The following PCDHGB1 variants were observed in gnomAD, a reference collection of about 807,000 sequenced individuals.
PCDHGB1 encodes the protein protocadherin gamma subfamily B, 1, also known as protocadherin gamma-B1.
In PCDHGB1, 34 loss-of-function variants were observed where a neutral mutation model predicts 56.6. The observed-to-expected ratio is 0.60, with a 90% CI of 0.46 to 0.80. PCDHGB1 has a LOEUF of 0.80. Among genes scored for constraint, PCDHGB1 ranks in the 30% least tolerant of loss-of-function variants. PCDHGB1 has a pLI of 0.00. For synonymous variants in PCDHGB1, 561 were observed against 505.9 expected (o/e 1.11, Z -1.46); for missense variants, 1,278 against 1,204.6 (o/e 1.06, Z -0.90).
At chr5:141,408,765 G>A (rs1276364659) in intron 1 of PCDHGB1, 1 of 1,611,036 alleles carries the variant, frequency 6.2e-7, no homozygotes, top group East Asian at 2.2e-5. Context: ...AATTCCGATG[G>A]TGGCAAATAC....
At chr5:141,357,224 T>G in intron 1 of PCDHGB1, 1 of 1,613,828 alleles carries the variant, frequency 6.2e-7, no homozygotes, top group Non-Finnish European at 8.5e-7. Context: ...CTGGCTGACT[T>G]GGGCAGCCTC....
chr5:141,433,812 G>A (rs535623556), intron 1 of PCDHGB1, among the ~76,000 whole-genome samples: 46 of 150,530 alleles, frequency 3.1e-4, no homozygotes, highest in African/African-American at 1.1e-3. Context: ...ACTCCAGCCT[G>A]GGCAACAAGA....
chr5:141,489,211 A>G lies in PCDHGB1; in HGVS notation c.2410-5596A>G, dbSNP rs1206929838. On this transcript the variant is annotated intron_variant, in intron 1 of 3. Coordinates refer to ENST00000523390, the MANE Select transcript of PCDHGB1 (RefSeq NM_018922.3). This position sits in a 1 kb window ranked among gnomAD's most constrained non-coding sequence, Gnocchi z 4.5. The stretch of plus-strand genomic sequence containing the variant: ...CTACCTTGGAGACAGGACAGCACAG[A>G]CTTACTCTCCACAAAGGGACTTCTG... 2 of 1,462,498 alleles carry G rather than the reference A, an allele frequency of 1.4e-6. No individual in the cohort carries two copies. Among genetic ancestry groups the G allele is most frequent in the Non-Finnish European group, 1.8e-6 (2 of 1,081,560 alleles). The allele number at this position is 1,462,498 out of a possible 1,614,324, so 90.6% of individuals were successfully genotyped here. A position where few individuals can be genotyped will look rare whatever the true frequency, so the allele number is the denominator to read the frequency against.
intron 1 of PCDHGB1, chr5:141,377,896 G>A (rs1774450136): frequency 6.6e-6 from 1 of 152,142 alleles, no homozygotes; most frequent in African/African-American, 2.4e-5. Context: ...ATCCCCCTCT[G>A]TTGCCCAGTC....
At chr5:141,415,647 A>C in intron 1 of PCDHGB1, 2 of 1,599,602 alleles carry the variant, frequency 1.3e-6, no homozygotes, top group Non-Finnish European at 1.7e-6. Context: ...TTGTTAAAAA[A>C]AAAAAGATTG....
chr5:141,385,052 G>A (rs559398944), intron 1 of PCDHGB1: 3 of 1,614,152 alleles, frequency 1.9e-6, no homozygotes, highest in Non-Finnish European at 8.5e-7. Context: ...AGGCTGCGGC[G>A]CTGGCACAAG....
chr5:141,505,513 G>A lies in PCDHGB1; in HGVS notation c.2557+32G>A, dbSNP rs1157816684. ...GGTGTCAGTGTGTGTATGGAAGAGT[G>A]GGAGACCTGGGGTTCTGGGGTGCAT... On this transcript the variant is annotated intron_variant, in intron 3 of 3. Coordinates refer to ENST00000523390, the MANE Select transcript of PCDHGB1 (RefSeq NM_018922.3). The A allele has an allele frequency of 3.1e-6, 5 of 1,613,710 alleles. No homozygotes were observed. In the South Asian group the frequency reaches 3.3e-5, roughly 11 times the overall value.
chr5:141,355,538 C>T lies in PCDHGB1; in HGVS notation c.2409+2869C>T, dbSNP rs757292300. On this transcript the variant is annotated intron_variant, in intron 1 of 3. Coordinates refer to ENST00000523390, the MANE Select transcript of PCDHGB1 (RefSeq NM_018922.3). ...AACCTGGAGATTCTTCTAGAAGATA[C>T]AGTGAAGATTTTGCGGGTAGAGGTG... The T allele has an allele frequency of 6.2e-6, 10 of 1,614,004 alleles. No individual in the cohort carries two copies. The South Asian group carries it at 7.7e-5, about 12-fold the overall frequency.
At chr5:141,460,438 T>A (rs1035541143) in intron 1 of PCDHGB1, among the ~76,000 whole-genome samples, 16 of 152,172 alleles carry the variant, frequency 1.1e-4, no homozygotes, top group African/African-American at 3.1e-4. Flanking sequence ...TGGTGTGAGG[T>A]AACAATGAAG....
At chr5:141,408,375 T>A in intron 1 of PCDHGB1, 1 of 1,613,972 alleles carries the variant, frequency 6.2e-7, no homozygotes, top group Non-Finnish European at 8.5e-7. Context: ...GGGCTCAGTG[T>A]CCTGGATGTG....
intron 1 of PCDHGB1, chr5:141,383,195 G>T: frequency 1.2e-6 from 2 of 1,614,044 alleles, no homozygotes; most frequent in Non-Finnish European, 1.7e-6. Flanking sequence ...TGCGCTCAGA[G>T]TGCGCGGTGT....
chr5:141,409,130 G>T (rs1265386524), intron 1 of PCDHGB1: 1 of 1,613,994 alleles, frequency 6.2e-7, no homozygotes, highest in Admixed American at 1.7e-5. Context: ...ATTTGATTTT[G>T]AAGATGTAGA....
intron 1 of PCDHGB1, chr5:141,357,759 T>G: frequency 9.6e-7 from 1 of 1,044,694 alleles, no homozygotes; most frequent in Non-Finnish European, 1.4e-6. Flanking sequence ...AACTGGTGGA[T>G]GACCTTCCAA....
At position 141,351,932 on chromosome 5, in the gene PCDHGB1, G is replaced by A; in HGVS notation, c.1672G>A (p.Val558Met). 2.5e-6 allele frequency: 4 copies of A among 1,613,278 alleles called. No homozygotes were observed. Among genetic ancestry groups the A allele is most frequent in the Non-Finnish European group, 3.4e-6 (4 of 1,179,756 alleles). Residue 558 changes from valine to methionine, a missense_variant, in exon 1 of 4, where the codon GTG (valine) becomes ATG (methionine). Val to Met is a conservative substitution (Grantham distance 21, BLOSUM62 1). Transcript: ENST00000523390. ...VGDLNDNAPRVLYPALGPDGS... is the reference protein window; with the variant it reads ...VGDLNDNAPRMLYPALGPDGS... Reference sequence around the variant, plus strand: ...CGACCTCAATGACAATGCGCCACGGGTGCTGTACCCCGCGCTGGGGCCTGA... The same window carrying A: ...CGACCTCAATGACAATGCGCCACGGATGCTGTACCCCGCGCTGGGGCCTGA...
At chr5:141,433,097 G>A (rs777101945) in intron 1 of PCDHGB1, 11 of 1,614,044 alleles carry the variant, frequency 6.8e-6, no homozygotes, top group Admixed American at 3.3e-5. Flanking sequence ...AGACATGCTC[G>A]TCAGCCAGGA....
intron 1 of PCDHGB1, among the ~76,000 whole-genome samples, chr5:141,446,128 G>A (rs1242643475): frequency 3.3e-5 from 5 of 152,188 alleles, no homozygotes; most frequent in Non-Finnish European, 7.3e-5. Flanking sequence ...GGTTCAATAA[G>A]ACTTAATAAT....
chr5:141,413,530 A>G (rs879218343), intron 1 of PCDHGB1: 1 of 1,613,954 alleles, frequency 6.2e-7, no homozygotes, highest in Non-Finnish European at 8.5e-7. Context: ...AGACAGGGTG[A>G]AACTTTTTGG....
chr5:141,438,806 C>T (rs866521707), intron 1 of PCDHGB1, among the ~76,000 whole-genome samples: 20 of 149,390 alleles, frequency 1.3e-4, no homozygotes, highest in Admixed American at 6.7e-4. Flanking sequence ...GGATTACAGG[C>T]GCCTGTCACC....
rs1340590903 is a variant in PCDHGB1, at chr5:141,432,842, G to A, written c.2410-61965G>A. On this transcript the variant is annotated intron_variant, in intron 1 of 3. Coordinates refer to ENST00000523390, the MANE Select transcript of PCDHGB1 (RefSeq NM_018922.3). This position sits in a 1 kb window ranked among gnomAD's most constrained non-coding sequence, Gnocchi z 6.0. ...CTCAGACCTCACTCTGTACCTGGTG[G>A]TAGCGGTGGCCGCGGTCTCCTGCGT... 5 of 1,614,192 alleles carry A rather than the reference G, an allele frequency of 3.1e-6. No individual in the cohort carries two copies. The South Asian group carries it at 4.4e-5, about 14-fold the overall frequency.
Sources: gnomAD v4.1 joint callset for allele counts (sites outside exome capture counted in the v4.1 genomes callset) on GRCh38, gnomAD v4.1.1 for gene constraint, Gnocchi (gnomAD v3.1) non-coding constraint, MANE v1.5 for transcripts, NCBI Gene and HGNC (gene_info 2026-07-23, HGNC 2026-07-21) for gene names.